PAK2: variants seen among roughly 807,000 people sequenced by gnomAD.
PAK2 encodes the protein p21 (RAC1) activated kinase 2.
Under a neutral mutation model 65.9 loss-of-function variants are expected in PAK2, and 21 were observed. That is an observed-to-expected ratio of 0.32 (90% CI 0.23 to 0.46). The LOEUF is 0.46. Ranked by LOEUF, PAK2 falls within the 20% of genes least tolerant of loss-of-function variation. The pLI is 1.00. For synonymous variants in PAK2, 204 were observed against 219.7 expected, an observed-to-expected ratio of 0.93 and a Z score of 0.63; for missense variants, 324 against 642.6, an observed-to-expected ratio of 0.50 and a Z score of 5.36.
chr3:196,819,743 C>T (rs1711590931), intron 12 of PAK2, among the ~76,000 whole-genome samples: 1 of 152,206 alleles, frequency 6.6e-6, no homozygotes, highest in African/African-American at 2.4e-5. Flanking sequence ...TCCTGCACCT[C>T]CATTACAGGT....
intron 13 of PAK2, among the ~76,000 whole-genome samples, chr3:196,821,131 G>A (rs909017575): frequency 2.6e-5 from 4 of 152,086 alleles, no homozygotes; most frequent in Non-Finnish European, 1.5e-5. Flanking sequence ...GTGAACAACT[G>A]CACCTGGCCA....
chr3:196,747,934 T>C (rs746698097), intron 1 of PAK2, among the ~76,000 whole-genome samples: 1 of 152,120 alleles, frequency 6.6e-6, no homozygotes, highest in Non-Finnish European at 1.5e-5. Flanking sequence ...TTGAAAGAGA[T>C]CTTTCATGAT....
chr3:196,788,832 G>C (rs1005839626), intron 2 of PAK2, among the ~76,000 whole-genome samples: 1 of 152,194 alleles, frequency 6.6e-6, no homozygotes, highest in Non-Finnish European at 1.5e-5. Context: ...CCATGGAGCT[G>C]AGTGCCGCCC....
At chr3:196,759,488 GGTTTTTTTTGTTTTTTTTTTTTT>G (rs1713876223) in intron 1 of PAK2, among the ~76,000 whole-genome samples, 8 of 111,110 alleles carry the variant, frequency 7.2e-5, no homozygotes, top group African/African-American at 3.0e-4. Flanking sequence ...ACAGTTAAGT[GGTTTTTTTTGTTTTTTTTTTTTT>G]TTTTTTTTTT....
intron 1 of PAK2, among the ~76,000 whole-genome samples, chr3:196,746,791 CA>C (rs1236242368): frequency 1.0e-4 from 13 of 125,658 alleles, no homozygotes; most frequent in African/African-American, 3.8e-4. Context: ...GCCTGGGCAA[CA>C]AAAGTGAAAC....
At chr3:196,764,954 T>C (rs1441809908) in intron 1 of PAK2, among the ~76,000 whole-genome samples, 2 of 149,574 alleles carry the variant, frequency 1.3e-5, no homozygotes, top group Non-Finnish European at 3.0e-5. Flanking sequence ...GCCATTCTCC[T>C]GCCTCAGCCT....
rs1225908792 is a variant in PAK2, at chr3:196,819,673, G to T, written c.1154-698G>T. ...GGAATGGGTTTAACAGTATAAGAAA[G>T]AATTCTAAATACTAATCCTGACTTT... On this transcript the variant is annotated intron_variant, in intron 12 of 14. Transcript: ENST00000327134. Among the ~76,000 whole-genome samples the T allele has an allele frequency of 2.0e-5, 3 of 152,062 alleles. No homozygotes were observed. In the East Asian group the frequency reaches 5.8e-4, roughly 29 times the overall value.
chr3:196,755,367 C>G (rs1462144169), intron 1 of PAK2, among the ~76,000 whole-genome samples: 1 of 152,084 alleles, frequency 6.6e-6, no homozygotes, highest in Non-Finnish European at 1.5e-5. Flanking sequence ...CCCTCCCTCC[C>G]CATTTTTCCA....
At chr3:196,806,410 T>C (rs1271192179) in intron 5 of PAK2, among the ~76,000 whole-genome samples, 169 bp from the exon 6 acceptor site, 5 of 152,230 alleles carry the variant, frequency 3.3e-5, no homozygotes, top group African/African-American at 1.2e-4. Flanking sequence ...AGAATCGCCT[T>C]ATTATGTTAG....
chr3:196,818,350 T>C (rs1278957517), intron 12 of PAK2, among the ~76,000 whole-genome samples, 194 bp downstream of exon 12: 1 of 152,156 alleles, frequency 6.6e-6, no homozygotes, highest in African/African-American at 2.4e-5. Flanking sequence ...GATAAGACAT[T>C]ACCTAATAAT....
intron 1 of PAK2, among the ~76,000 whole-genome samples, chr3:196,743,530 C>T (rs1056238192): frequency 6.6e-5 from 10 of 152,126 alleles, no homozygotes; most frequent in South Asian, 2.1e-4. Flanking sequence ...GCTGTAGAGT[C>T]GATACTCCTA....
chr3:196,747,666 C>A (rs919647217), intron 1 of PAK2, among the ~76,000 whole-genome samples: 12 of 152,098 alleles, frequency 7.9e-5, no homozygotes, highest in Non-Finnish European at 1.6e-4. Flanking sequence ...GAGTTTTATA[C>A]ATAACCTATT....
chr3:196,793,049 G>T (rs116470809), intron 2 of PAK2, among the ~76,000 whole-genome samples: 1 of 152,082 alleles, frequency 6.6e-6, no homozygotes, highest in East Asian at 1.9e-4. Context: ...GTGTCGGAGT[G>T]GGGGTAGGAT....
rs778878408 is a variant in PAK2, at chr3:196,820,943, G to A, written c.1350+376G>A. ...CAACCGCCACCTCCCAGGTTCAAGC[G>A]ATCCTCCTACTTCAGCCTCCTGAGT... On this transcript the variant is annotated intron_variant, in intron 13 of 14. Coordinates refer to ENST00000327134, the MANE Select transcript of PAK2 (RefSeq NM_002577.4). The surrounding 1 kb of genome is among the most constrained non-coding windows in gnomAD (Gnocchi z 4.6). Among the ~76,000 whole-genome samples the A allele has an allele frequency of 6.6e-5, 10 of 152,176 alleles. No individual in the cohort carries two copies. The highest frequency in any genetic ancestry group is 2.1e-4 in the South Asian group (1 of 4,820).
chr3:196,814,363 G>T, intron 10 of PAK2, 88 bp from the exon 11 acceptor site: 1 of 628,226 alleles, frequency 1.6e-6, no homozygotes. Flanking sequence ...TATTGTTAGG[G>T]TGTTTAATAT....
rs200558658 is a variant in PAK2 at position 196,751,741 on chromosome 3, CTTT to C, written c.-22+11602_-22+11604del. On this transcript the variant is annotated intron_variant, in intron 1 of 14. Coordinates refer to ENST00000327134, the MANE Select transcript of PAK2 (RefSeq NM_002577.4). ...GCATTTATGAAACACAAATGAATTTCTTTTTTTTTTTTTTTTTTTTGAGACCGT... is the reference window on the plus strand; with the variant it reads ...GCATTTATGAAACACAAATGAATTTCTTTTTTTTTTTTTTTTTGAGACCGT... Among the ~76,000 whole-genome samples the C allele has an allele frequency of 2.2e-3, 175 of 79,256 alleles. 3 individuals are homozygous for C. The highest frequency in any genetic ancestry group is 6.1e-3 in the African/African-American group (98 of 16,024). 52.0% of individuals were successfully genotyped at this position (79,256 alleles called of 152,430 possible).
At chr3:196,806,521 A>G (rs1715588931) in intron 5 of PAK2, 58 bp from the exon 6 acceptor site, 1 of 1,032,254 alleles carries the variant, frequency 9.7e-7, no homozygotes, top group Non-Finnish European at 1.5e-6. Context: ...ATAAAGGGCG[A>G]TAGTCGCATT....
rs1162069629 is a variant in PAK2 at position 196,810,583 on chromosome 3, A to C, written c.710-7A>C. On this transcript the variant is annotated splice_region_variant and splice_polypyrimidine_tract_variant and intron_variant, in intron 7 of 14. Coordinates refer to ENST00000327134, the MANE Select transcript of PAK2 (RefSeq NM_002577.4). Reference sequence around the variant, plus strand: ...TGACTGAGCTTCCAGCTTTTTGTTTATTCTAGGAACTATCGTGAGCATAGG... The same window carrying C: ...TGACTGAGCTTCCAGCTTTTTGTTTCTTCTAGGAACTATCGTGAGCATAGG... 22 of 1,522,792 alleles carry C rather than the reference A, an allele frequency of 1.4e-5. No individual in the cohort carries two copies. The highest frequency in any genetic ancestry group is 1.9e-5 in the Non-Finnish European group (21 of 1,099,190). 94.3% of individuals were successfully genotyped at this position (1,522,792 alleles called of 1,614,324 possible). A position where few individuals can be genotyped will look rare whatever the true frequency, so the allele number is the denominator to read the frequency against.
At chr3:196,784,237 TA>T (rs11294619) in intron 2 of PAK2, among the ~76,000 whole-genome samples, 46,487 of 136,204 alleles carry the variant, frequency 0.34, 8,093 homozygotes, top group Admixed American at 0.43. Context: ...TTTTTTTTTT[TA>T]ATTATACTTT....
Sources: gnomAD v4.1 joint callset for allele counts (sites outside exome capture counted in the v4.1 genomes callset) on GRCh38, gnomAD v4.1.1 for gene constraint, Gnocchi (gnomAD v3.1) non-coding constraint, MANE v1.5 for transcripts, NCBI Gene and HGNC (gene_info 2026-07-23, HGNC 2026-07-21) for gene names.